AMPH: variants seen among roughly 807,000 people sequenced by gnomAD.
AMPH encodes the protein amphiphysin (Stiff-Mann syndrome with breast cancer 128kD autoantigen).
Under a neutral mutation model 99.1 loss-of-function variants are expected in AMPH, and 49 were observed. The observed-to-expected ratio is 0.49, with a 90% CI of 0.39 to 0.63. AMPH has a LOEUF of 0.63. AMPH is among the 20% of genes least tolerant of loss of function. AMPH has a pLI of 0.00. For synonymous variants in AMPH, 314 were observed against 317.3 expected (o/e 0.99, Z 0.11); for missense variants, 759 against 863.4 (o/e 0.88, Z 1.52).
chr7:38,615,262 C>A, intron 1 of AMPH, among the ~76,000 whole-genome samples: 1 of 152,246 alleles, frequency 6.6e-6, no homozygotes, highest in South Asian at 2.1e-4. Context: ...AGGTTCACTA[C>A]GAGGGTGAAA....
chr7:38,549,376 C>T (rs1167423813), intron 1 of AMPH, among the ~76,000 whole-genome samples: 1 of 152,216 alleles, frequency 6.6e-6, no homozygotes, highest in East Asian at 1.9e-4. Flanking sequence ...AATTAACAAG[C>T]TAATTCTCAA....
chr7:38,475,551 C>T (rs528781448), intron 6 of AMPH, 135 bp from the exon 7 acceptor site: 53 of 604,346 alleles, frequency 8.8e-5, no homozygotes, highest in Non-Finnish European at 1.4e-4. Context: ...TGGTTAAAAG[C>T]ATATCCTTGT....
At chr7:38,536,772 G>A (rs1206905940) in intron 1 of AMPH, among the ~76,000 whole-genome samples, 1 of 151,942 alleles carries the variant, frequency 6.6e-6, no homozygotes, top group Non-Finnish European at 1.5e-5. Flanking sequence ...CATAATCACT[G>A]TATTAACTAA....
chr7:38,536,859 T>TTA (rs1383545772), intron 1 of AMPH, among the ~76,000 whole-genome samples: 4 of 152,072 alleles, frequency 2.6e-5, no homozygotes, highest in African/African-American at 9.7e-5. Context: ...GAATAGGGCA[T>TTA]TATAACTAGG....
At chr7:38,398,173 G>T (rs1443705222) in intron 17 of AMPH, among the ~76,000 whole-genome samples, 3 of 125,806 alleles carry the variant, frequency 2.4e-5, no homozygotes, top group African/African-American at 9.6e-5. Flanking sequence ...CCACTGCTAG[G>T]TATATACTCA....
At chr7:38,571,275 AT>A (rs1791994497) in intron 1 of AMPH, among the ~76,000 whole-genome samples, 1 of 54,380 alleles carries the variant, frequency 1.8e-5, no homozygotes, top group African/African-American at 9.9e-5. Context: ...ATTTATATAT[AT>A]ATTTTTATAT....
At chr7:38,447,751 A>AACAC (rs34380529) in intron 11 of AMPH, among the ~76,000 whole-genome samples, 11,987 of 139,678 alleles carry the variant, frequency 0.086, 717 homozygotes, top group East Asian at 0.33. Flanking sequence ...CAGACAGATA[A>AACAC]ACACACACAC....
At chr7:38,545,488 C>T (rs1340480535) in intron 1 of AMPH, among the ~76,000 whole-genome samples, 1 of 152,150 alleles carries the variant, frequency 6.6e-6, no homozygotes, top group Non-Finnish European at 1.5e-5. Context: ...CCAGAATTCT[C>T]ACACCAAAAT....
At chr7:38,452,731 TA>T (rs1488394429) in intron 11 of AMPH, among the ~76,000 whole-genome samples, 1 of 152,352 alleles carries the variant, frequency 6.6e-6, no homozygotes, top group East Asian at 1.9e-4. Context: ...GGAATCCTGA[TA>T]ACTTTAAACA....
rs79660472 is a variant in AMPH, at chr7:38,477,598, A to G, written c.397-629T>C. Among the ~76,000 whole-genome samples the G allele has an allele frequency of 3.9e-3, 589 of 152,294 alleles. 7 individuals carry two copies. Among genetic ancestry groups the G allele is most frequent in the African/African-American group, 0.013 (548 of 41,574 alleles). On this transcript the variant is annotated intron_variant, in intron 5 of 20. Coordinates refer to ENST00000356264, the MANE Select transcript of AMPH (RefSeq NM_001635.4). Reference sequence around the variant, plus strand: ...CCATGAGAAAGTCTGAGAACAAGACATTCCCTTGCAGTGTGGATGAGAATG... The same window carrying G: ...CCATGAGAAAGTCTGAGAACAAGACGTTCCCTTGCAGTGTGGATGAGAATG...
At chr7:38,385,663 G>A (rs148747054) in intron 20 of AMPH, among the ~76,000 whole-genome samples, 2 of 152,100 alleles carry the variant, frequency 1.3e-5, no homozygotes, top group East Asian at 1.9e-4. Context: ...ATAAACATTT[G>A]TCTGTCATAT....
intron 15 of AMPH, among the ~76,000 whole-genome samples, chr7:38,423,571 T>A (rs1279604414): frequency 6.6e-6 from 1 of 151,846 alleles, no homozygotes; most frequent in Admixed American, 6.6e-5. Context: ...CCTATAAGAA[T>A]GAAAAGAATG....
intron 1 of AMPH, among the ~76,000 whole-genome samples, chr7:38,579,054 T>A (rs1331930401): frequency 6.6e-6 from 1 of 152,228 alleles, no homozygotes; most frequent in Non-Finnish European, 1.5e-5. Context: ...AAAATAATGC[T>A]GGCCTCACAA....
intron 1 of AMPH, among the ~76,000 whole-genome samples, chr7:38,603,026 G>C (rs1300317622): frequency 1.3e-5 from 2 of 152,188 alleles, no homozygotes; most frequent in Non-Finnish European, 2.9e-5. Flanking sequence ...ATCAGGTCCA[G>C]AGATGAGAAA....
At chr7:38,568,015 C>A (rs1199210807) in intron 1 of AMPH, among the ~76,000 whole-genome samples, 2 of 152,038 alleles carry the variant, frequency 1.3e-5, no homozygotes, top group Non-Finnish European at 2.9e-5. Context: ...ATTGGCAATA[C>A]CCCTAAAATC....
At chr7:38,485,394 T>C (rs1562785040) in intron 5 of AMPH, among the ~76,000 whole-genome samples, 2 of 151,854 alleles carry the variant, frequency 1.3e-5, no homozygotes, top group Non-Finnish European at 2.9e-5. Context: ...GGACATGTAA[T>C]GATAAAAAGG....
At chr7:38,397,391 A>G (rs1784701159) in intron 17 of AMPH, among the ~76,000 whole-genome samples, 1 of 152,200 alleles carries the variant, frequency 6.6e-6, no homozygotes, top group South Asian at 2.1e-4. Context: ...GATATCTATC[A>G]ATTTGGTTGT....
chr7:38,476,742 G>C (rs898286430), intron 6 of AMPH, 120 bp downstream of exon 6: 1 of 659,548 alleles, frequency 1.5e-6, no homozygotes, highest in African/African-American at 1.8e-5. Flanking sequence ...CTATGTTTCA[G>C]TTTAAATTCT....
At chr7:38,613,368 A>G (rs1175246439) in intron 1 of AMPH, among the ~76,000 whole-genome samples, 2 of 152,194 alleles carry the variant, frequency 1.3e-5, no homozygotes, top group African/African-American at 4.8e-5. Flanking sequence ...TCACCTCACA[A>G]TTCAAGTAGA....
Sources: allele counts gnomAD v4.1 joint callset (sites outside exome capture counted in the v4.1 genomes callset), GRCh38; gene constraint gnomAD v4.1.1; transcripts MANE v1.5; gene names NCBI Gene and HGNC (gene_info 2026-07-23, HGNC 2026-07-21).